Variants in DNAJC21 observed in about 807,000 individuals in gnomAD.
DNAJC21 encodes DnaJ heat shock protein family (Hsp40) member C21, also known as dnaJ homolog subfamily C member 21.
In DNAJC21, 63 loss-of-function variants were observed where a neutral mutation model predicts 72.4. The ratio of observed to expected loss-of-function variants is 0.87; its 90% confidence interval spans 0.71 to 1.07. The LOEUF is 1.07. DNAJC21 is among the 50% of genes least tolerant of loss of function. The pLI, the probability that DNAJC21 is intolerant of heterozygous loss-of-function variation, is 0.00. For synonymous variants in DNAJC21, 203 were observed against 216.7 expected, an observed-to-expected ratio of 0.94 and a Z score of 0.56; for missense variants, 634 against 644.8, an observed-to-expected ratio of 0.98 and a Z score of 0.18.
At chr5:34,946,870 C>T (rs1481717840) in intron 9 of DNAJC21, among the ~76,000 whole-genome samples, 1 of 152,116 alleles carries the variant, frequency 6.6e-6, no homozygotes. Context: ...TAAACACATA[C>T]GTTAGTATTT....
In DNAJC21 at chr5:34,956,281, T is replaced by C. The variant is rs967255290; in HGVS notation, c.*1567T>C. The C allele has an allele frequency of 2.0e-5, 3 of 152,654 alleles. No individual in the cohort carries two copies. Among genetic ancestry groups the C allele is most frequent in the African/African-American group, 7.2e-5 (3 of 41,462 alleles). 9.5% of individuals were successfully genotyped at this position (152,654 alleles called of 1,614,324 possible). On this transcript the variant is annotated 3_prime_UTR_variant, in exon 12 of 12. Transcript: ENST00000648817. Reference sequence around the variant, plus strand: ...TGATGATCAGATTTCTTCTGTGTTATTGTCTTAAAAATAAGCATTTGAACC... The same window carrying C: ...TGATGATCAGATTTCTTCTGTGTTACTGTCTTAAAAATAAGCATTTGAACC...
intron 9 of DNAJC21, among the ~76,000 whole-genome samples, chr5:34,947,571 G>A (rs1045879306): frequency 8.7e-6 from 1 of 114,338 alleles, no homozygotes; most frequent in African/African-American, 2.7e-5. Flanking sequence ...ATTTTTATGT[G>A]TAAGTATTTT....
rs187000315 is a variant in DNAJC21, at chr5:34,958,042, A to G, written c.*3328A>G. 2.0e-5 allele frequency: 3 copies of G among 152,354 alleles called. No individual in the cohort carries two copies. The highest frequency in any genetic ancestry group is 3.9e-4 in the East Asian group (2 of 5,192). 9.4% of individuals were successfully genotyped at this position (152,354 alleles called of 1,614,324 possible). On this transcript the variant is annotated 3_prime_UTR_variant, in exon 12 of 12. Coordinates refer to ENST00000648817, the MANE Select transcript of DNAJC21 (RefSeq NM_001012339.3). ...AAGAGGAAGCTGAGCTCAGGGAGATATGAGCTCCACAGCCACAGCTGGTTA... is the reference window on the plus strand; with the variant it reads ...AAGAGGAAGCTGAGCTCAGGGAGATGTGAGCTCCACAGCCACAGCTGGTTA...
rs1174165143 is a variant in DNAJC21, at chr5:34,954,851, A to G, written c.*137A>G. ...GAAGATTATTTTTTATCTTGTAAAA[A>G]CACTTTTTTGGTTTAATATATATTT... On this transcript the variant is annotated 3_prime_UTR_variant, in exon 12 of 12. Coordinates refer to ENST00000648817, the MANE Select transcript of DNAJC21 (RefSeq NM_001012339.3). 1 of 1,062,070 alleles carries G rather than the reference A, an allele frequency of 9.4e-7. No homozygotes were observed. Among genetic ancestry groups the G allele is most frequent in the African/African-American group, 1.6e-5 (1 of 60,734 alleles). 65.8% of individuals were successfully genotyped at this position (1,062,070 alleles called of 1,614,324 possible).
rs1346085103 is a variant in DNAJC21 at position 34,958,382 on chromosome 5, G to A, written c.*3668G>A. On this transcript the variant is annotated 3_prime_UTR_variant, in exon 12 of 12. Coordinates refer to ENST00000648817, the MANE Select transcript of DNAJC21 (RefSeq NM_001012339.3). ...TTTGACAGATACGGCAAGCTCTATG[G>A]GGAAAACAATATGTACTACCTTATA... is the stretch of plus-strand genomic sequence containing the variant. 6.6e-6 allele frequency: 1 copy of A among 152,086 alleles called. No homozygotes were observed. Among genetic ancestry groups the A allele is most frequent in the Non-Finnish European group, 1.5e-5 (1 of 68,026 alleles). 9.4% of individuals were successfully genotyped at this position (152,086 alleles called of 1,614,324 possible).
chr5:34,954,658 T>TCTTTA lies in DNAJC21; in HGVS notation c.1541_1545dup (p.Asn516LeufsTer2). ...TCATGCAAGAGCACCTTCATCATCG[T>TCTTTA]CTTTAAACAGCGCAACAAGTAGTCA... On this transcript the variant is annotated frameshift_variant, in exon 12 of 12. Transcript: ENST00000648817. LOFTEE classifies it high-confidence loss of function. 1 of 1,613,324 alleles carries TCTTTA rather than the reference T, an allele frequency of 6.2e-7. No individual in the cohort carries two copies. Among genetic ancestry groups the TCTTTA allele is most frequent in the Non-Finnish European group, 8.5e-7 (1 of 1,179,710 alleles).
rs770706043 is a variant in DNAJC21 at position 34,954,544 on chromosome 5, C to T, written c.1435-9C>T. The stretch of plus-strand genomic sequence containing the variant: ...CTTACTTTTATTTATGATTTTTTGC[C>T]CTTCTCAGAGTGTTCTTATCAGCTG... On this transcript the variant is annotated splice_polypyrimidine_tract_variant and intron_variant, in intron 11 of 11. Coordinates refer to ENST00000648817, the MANE Select transcript of DNAJC21 (RefSeq NM_001012339.3). 1.9e-6 allele frequency: 3 copies of T among 1,583,006 alleles called. No individual in the cohort carries two copies. Among genetic ancestry groups the T allele is most frequent in the East Asian group, 2.3e-5 (1 of 44,064 alleles).
At chr5:34,949,015 T>G (rs1765267664) in intron 9 of DNAJC21, among the ~76,000 whole-genome samples, 1 of 152,204 alleles carries the variant, frequency 6.6e-6, no homozygotes, top group South Asian at 2.1e-4. Context: ...GAATCATTAA[T>G]AGATGCCAAG....
At chr5:34,951,687 C>G in intron 10 of DNAJC21, 1 of 790,360 alleles carries the variant, frequency 1.3e-6, no homozygotes, top group Non-Finnish European at 1.5e-6. Context: ...ACTGCCACGC[C>G]TGGCTATTTT....
At chr5:34,950,396 G>A (rs1765323584) in intron 10 of DNAJC21, 54 bp downstream of exon 10, 1 of 1,559,072 alleles carries the variant, frequency 6.4e-7, no homozygotes, top group African/African-American at 1.4e-5. Context: ...TAGTAAGGAT[G>A]TAGCTTTTCA....
rs1407820238 is a variant in DNAJC21, at chr5:34,950,322, T to G, written c.1338T>G (p.Asp446Glu). 6.8e-6 allele frequency: 11 copies of G among 1,608,914 alleles called. No individual in the cohort carries two copies. Among genetic ancestry groups the G allele is most frequent in the Non-Finnish European group, 9.3e-6 (11 of 1,178,624 alleles). Residue 446 changes from aspartate (D) to glutamate (E), a missense_variant, in exon 10 of 12, where the codon GAT becomes GAG. Coordinates refer to ENST00000648817, the MANE Select transcript of DNAJC21 (RefSeq NM_001012339.3). Reference protein sequence around the residue: ...SVTEIIKPCDDPKSEAKSVPK... With the variant: ...SVTEIIKPCDEPKSEAKSVPK... Reference sequence around the variant, plus strand: ...CAGAGATCATTAAACCATGTGATGATCCAAAAAGTGAAGCTAAAAGGTAAG... The same window carrying G: ...CAGAGATCATTAAACCATGTGATGAGCCAAAAAGTGAAGCTAAAAGGTAAG...
At chr5:34,938,501 A>T (rs1038794868) in intron 5 of DNAJC21, among the ~76,000 whole-genome samples, 1 of 152,246 alleles carries the variant, frequency 6.6e-6, no homozygotes, top group Non-Finnish European at 1.5e-5. Flanking sequence ...CCAGAGCATT[A>T]TAGCATACTT....
chr5:34,938,921 G>A lies in DNAJC21; in HGVS notation c.807G>A (p.Gln269=). The part of the protein sequence containing the change: ...MTMANLEKEL[Q]EMEARYEKEF... ...TGGCCAATTTGGAGAAAGAGCTCCA[G>A]GAGATGGAGGCACGGTACGAGAAGG... Residue 269 remains glutamine (Q), a synonymous_variant, in exon 6 of 12, where the codon CAG becomes CAA. Coordinates refer to ENST00000648817, the MANE Select transcript of DNAJC21 (RefSeq NM_001012339.3). 6.2e-7 allele frequency: 1 copy of A among 1,614,186 alleles called. No homozygotes were observed.
At chr5:34,951,035 G>A in intron 10 of DNAJC21, 3 of 985,512 alleles carry the variant, frequency 3.0e-6, no homozygotes, top group Non-Finnish European at 3.6e-6. Flanking sequence ...AGAGCAAAGT[G>A]GGAGCATGAC....
At chr5:34,952,149 G>GTA (rs1176851368) in intron 10 of DNAJC21, 1 of 984,182 alleles carries the variant, frequency 1.0e-6, no homozygotes, top group Non-Finnish European at 1.2e-6. Flanking sequence ...GTGTGTGTGT[G>GTA]TATAGTATTT....
chr5:34,935,750 G>A lies in DNAJC21; in HGVS notation c.232G>A (p.Asp78Asn). 1 of 1,614,018 alleles carries A rather than the reference G, an allele frequency of 6.2e-7. No individual in the cohort carries two copies. The highest frequency in any genetic ancestry group is 8.5e-7 in the Non-Finnish European group (1 of 1,179,966). Residue 78 changes from aspartate to asparagine, a missense_variant, in exon 3 of 12, where the codon GAT becomes AAT. Physicochemically the swap from Asp to Asn is conservative, Grantham distance 23. Coordinates refer to ENST00000648817, the MANE Select transcript of DNAJC21 (RefSeq NM_001012339.3). ...AGAGGCCCTACTTAAAGGTGGGTTT[G>A]ATGGCGAATATCAAGATGACAGCTT... The part of the protein sequence containing the change: ...HREALLKGGF[D>N]GEYQDDSLDL...
At position 34,937,426 on chromosome 5, in the gene DNAJC21, A is replaced by G. The variant is rs369742091; in HGVS notation, c.539A>G (p.Glu180Gly). ...ACACGACAGGCTTCAAACCGCTGGG[A>G]AAAACGAGCCATGGAAAAAGAAAAC... ...YDTRQASNRW[E>G]KRAMEKENKK... is the part of the protein sequence containing the mutation. The change falls in exon 5 of 12, where the codon GAA (glutamate) becomes GGA (glycine). Residue 180 changes from glutamate (E) to glycine (G), a missense_variant. By Grantham distance (98) the Glu-to-Gly change is moderately conservative. Transcript: ENST00000648817. The G allele has an allele frequency of 1.9e-5, 31 of 1,614,080 alleles. 1 individual carries two copies. The highest frequency in any genetic ancestry group is 8.8e-5 in the South Asian group (8 of 91,090).
intron 9 of DNAJC21, among the ~76,000 whole-genome samples, chr5:34,948,752 C>T (rs1006631419): frequency 7.2e-5 from 11 of 152,006 alleles, no homozygotes; most frequent in Non-Finnish European, 1.5e-4. Context: ...GTAATTCCAG[C>T]TACTCAGGAG....
In DNAJC21 at chr5:34,950,315, G is replaced by A; in HGVS notation, c.1331G>A (p.Cys444Tyr). Residue 444 changes from cysteine to tyrosine, a missense_variant, in exon 10 of 12, where the codon TGT (cysteine) becomes TAT (tyrosine). By Grantham distance (194) the Cys-to-Tyr change is radical. Coordinates refer to ENST00000648817, the MANE Select transcript of DNAJC21 (RefSeq NM_001012339.3). The part of the protein sequence containing the change: ...NVSVTEIIKP[C>Y]DDPKSEAKSV... Reference sequence around the variant, plus strand: ...AGTGTCACAGAGATCATTAAACCATGTGATGATCCAAAAAGTGAAGCTAAA... The same window carrying A: ...AGTGTCACAGAGATCATTAAACCATATGATGATCCAAAAAGTGAAGCTAAA... 6.2e-7 allele frequency: 1 copy of A among 1,610,734 alleles called. No homozygotes were observed.
Sources: allele counts gnomAD v4.1 joint callset (sites outside exome capture counted in the v4.1 genomes callset), GRCh38; gene constraint gnomAD v4.1.1; transcripts MANE v1.5; gene names NCBI Gene and HGNC (gene_info 2026-07-23, HGNC 2026-07-21).